The following GGA3 variants were observed in gnomAD, a reference collection of about 807,000 sequenced individuals.
The protein encoded by GGA3 is ADP-ribosylation factor-binding protein GGA3.
A neutral mutation model predicts 77.5 loss-of-function variants in GGA3; 57 were observed. That is an observed-to-expected ratio of 0.74 (90% CI 0.59 to 0.92). The LOEUF (loss-of-function observed/expected upper bound fraction) is 0.92, where lower values mean the gene tolerates loss of function less well. Ranked by LOEUF, GGA3 falls within the 40% of genes least tolerant of loss-of-function variation. The pLI, the probability that GGA3 is intolerant of heterozygous loss-of-function variation, is 0.00. For missense variants in GGA3, 970 were observed against 914.9 expected (o/e 1.06, Z -0.78); for synonymous variants, 416 against 383.7 (o/e 1.08, Z -0.98).
In GGA3 at chr17:75,239,923, C is replaced by G; in HGVS notation, c.1449G>C (p.Leu483Phe). ...SVPAPSAGSSLFSTGVAPALA... is the reference protein window; with the variant it reads ...SVPAPSAGSSFFSTGVAPALA... The stretch of plus-strand genomic sequence containing the variant: ...AGGCTGGGGCCACTCCAGTAGAAAA[C>G]AAGGAGGAGCCCGCACTGGGGGCAG... The change falls in exon 13 of 17, where the codon TTG becomes TTC. Residue 483 changes from leucine to phenylalanine, a missense_variant. By Grantham distance (22) the Leu-to-Phe change is conservative. Coordinates refer to ENST00000537686, the MANE Select transcript of GGA3 (RefSeq NM_138619.4). 1.2e-6 allele frequency: 2 copies of G among 1,607,470 alleles called. No homozygotes were observed. Among genetic ancestry groups the G allele is most frequent in the African/African-American group, 1.3e-5 (1 of 74,806 alleles).
intron 3 of GGA3, 62 bp downstream of exon 3, chr17:75,246,447 C>G: frequency 2.7e-6 from 3 of 1,097,362 alleles, no homozygotes; most frequent in Non-Finnish European, 4.2e-6. Flanking sequence ...TATGGGGACA[C>G]GAGGAATGGC....
chr17:75,252,759 G>A (rs1457314876), intron 1 of GGA3, among the ~76,000 whole-genome samples: 2 of 152,148 alleles, frequency 1.3e-5, no homozygotes, highest in African/African-American at 4.8e-5. Flanking sequence ...ATTGTGATTT[G>A]TTTCTGCCCC....
upstream of GGA3, chr17:75,261,969 C>G (rs1323549660): frequency 1.2e-6 from 2 of 1,604,326 alleles, no homozygotes; most frequent in African/African-American, 2.7e-5. Context: ...GGCGGGCTGT[C>G]TTGCAGCTTC....
chr17:75,239,808 G>T lies in GGA3; in HGVS notation c.1564C>A (p.Leu522Ile), dbSNP rs960288768. ...CATTACACTTTGGCCTCTTCTAGAA[G>T]CTGATCGAGGGCATCCAGGTGGTGC... ...ALHHLDALDQLLEEAKVTSGL... is the reference protein window; with the variant it reads ...ALHHLDALDQILEEAKVTSGL... Residue 522 changes from leucine (L) to isoleucine (I), a missense_variant, in exon 13 of 17, where the codon CTT becomes ATT. Transcript: ENST00000537686. 1 of 1,613,766 alleles carries T rather than the reference G, an allele frequency of 6.2e-7. No homozygotes were observed. The highest frequency in any genetic ancestry group is 8.5e-7 in the Non-Finnish European group (1 of 1,180,028).
In GGA3 at chr17:75,239,531, G is replaced by C. The variant is rs553093029; in HGVS notation, c.1624C>G (p.Pro542Ala). The change falls in exon 14 of 17, where the codon CCC becomes GCC. Residue 542 changes from proline (P) to alanine (A), a missense_variant. Coordinates refer to ENST00000537686, the MANE Select transcript of GGA3 (RefSeq NM_138619.4). ...AGGGGCCTGGCTGGGGTGGTGGTGG[G>C]GATGAGAGGGGAGGTAGTGGGTTTC... ...LVKPTTSPLI[P>A]TTTPARPLLP... The C allele has an allele frequency of 1.1e-5, 17 of 1,561,742 alleles. No homozygotes were observed. The highest frequency in any genetic ancestry group is 9.5e-5 in the East Asian group (4 of 42,238).
intron 1 of GGA3, among the ~76,000 whole-genome samples, chr17:75,249,703 A>C (rs919821669): frequency 6.6e-6 from 1 of 152,224 alleles, no homozygotes; most frequent in African/African-American, 2.4e-5. Context: ...GGGAACAGTC[A>C]TACACCTTGT....
Position 75,239,945 on chromosome 17 carries a change from G to A in GGA3, c.1427C>T (p.Ala476Val), listed in dbSNP as rs201721759. Residue 476 changes from alanine to valine, a missense_variant, in exon 13 of 17, where the codon GCC (alanine) becomes GTC (valine). Ala to Val is a moderately conservative substitution (Grantham distance 64). Coordinates refer to ENST00000537686, the MANE Select transcript of GGA3 (RefSeq NM_138619.4). ...PAPVVPASVP[A>V]PSAGSSLFST... The stretch of plus-strand genomic sequence containing the variant: ...AAACAAGGAGGAGCCCGCACTGGGG[G>A]CAGGAACACTGGCTGGGACCACAGG... 5.2e-5 allele frequency: 83 copies of A among 1,586,808 alleles called. No individual in the cohort carries two copies. In the African/African-American group the frequency reaches 1.1e-3, roughly 20 times the overall value.
Position 75,238,176 on chromosome 17 carries a change from A to G in GGA3, c.*103T>C. 6.6e-7 allele frequency: 1 copy of G among 1,517,716 alleles called. No homozygotes were observed. Among genetic ancestry groups the G allele is most frequent in the South Asian group, 1.3e-5 (1 of 75,906 alleles). 94.0% of individuals were successfully genotyped at this position (1,517,716 alleles called of 1,614,324 possible). Reference sequence around the variant, plus strand: ...AGGGCCCCTGTTCCACATCAAAGCTACAAGCACTGTTGTCAGGGCATGGAG... The same window carrying G: ...AGGGCCCCTGTTCCACATCAAAGCTGCAAGCACTGTTGTCAGGGCATGGAG... On this transcript the variant is annotated 3_prime_UTR_variant, in exon 17 of 17. Coordinates refer to ENST00000537686, the MANE Select transcript of GGA3 (RefSeq NM_138619.4).
intron 1 of GGA3, among the ~76,000 whole-genome samples, chr17:75,259,715 C>T (rs1203441100): frequency 1.3e-5 from 2 of 152,234 alleles, no homozygotes; most frequent in East Asian, 1.9e-4. Flanking sequence ...GTGACAAGGA[C>T]GCTGACTGAG....
intron 1 of GGA3, among the ~76,000 whole-genome samples, chr17:75,256,221 G>T (rs965942611): frequency 2.6e-5 from 4 of 152,016 alleles, no homozygotes; most frequent in Non-Finnish European, 5.9e-5. Context: ...TGCTTGCAGT[G>T]GCTGCCGCTG....
chr17:75,237,856 T>G lies in GGA3; in HGVS notation c.*423A>C, dbSNP rs1366872725. 7.1e-7 allele frequency: 1 copy of G among 1,405,030 alleles called. No individual in the cohort carries two copies. The highest frequency in any genetic ancestry group is 9.2e-7 in the Non-Finnish European group (1 of 1,084,694). 87.0% of individuals were successfully genotyped at this position (1,405,030 alleles called of 1,614,324 possible). A position where few individuals can be genotyped will look rare whatever the true frequency, so the allele number is the denominator to read the frequency against. ...GCTGCAGCCCCTTGGGCCGTGCATC[T>G]GTCAGGTGTGAGGATGTGGCTCTTG... On this transcript the variant is annotated 3_prime_UTR_variant, in exon 17 of 17. Coordinates refer to ENST00000537686, the MANE Select transcript of GGA3 (RefSeq NM_138619.4).
Position 75,238,922 on chromosome 17 carries a change from C to T in GGA3, c.1942G>A (p.Val648Met). The T allele has an allele frequency of 6.2e-7, 1 of 1,613,938 alleles. No individual in the cohort carries two copies. The change falls in exon 15 of 17, where the codon GTG (valine) becomes ATG (methionine). Residue 648 changes from valine to methionine, a missense_variant. By Grantham distance (21) the Val-to-Met change is conservative (BLOSUM62 1). Transcript: ENST00000537686. ...PVKSIVLQAA[V>M]PKSMKVKLQP... is the part of the protein sequence containing the mutation. ...CAGGGAGACACTGGTACCTTGGGCA[C>T]TGCAGCCTGCAGCACGATGCTCTTG...
At chr17:75,254,050 G>T (rs2077060045) in intron 1 of GGA3, among the ~76,000 whole-genome samples, 1 of 152,150 alleles carries the variant, frequency 6.6e-6, no homozygotes, top group South Asian at 2.1e-4. Context: ...GGTCTGAGGT[G>T]CCTCACATCC....
chr17:75,251,706 C>CAAAAAAAAAAAAAAAAAAAAAAAAA (rs35924573), intron 1 of GGA3, among the ~76,000 whole-genome samples: 1 of 68,230 alleles, frequency 1.5e-5, no homozygotes, highest in African/African-American at 5.1e-5. Flanking sequence ...GACTCCTTCT[C>CAAAAAAAAAAAAAAAAAAAAAAAAA]AAAAAAAAAA....
intron 1 of GGA3, among the ~76,000 whole-genome samples, chr17:75,260,624 G>A (rs766708925): frequency 2.6e-5 from 4 of 152,088 alleles, no homozygotes; most frequent in Non-Finnish European, 5.9e-5. Flanking sequence ...CTAAATAAGA[G>A]ACCTCAGAAC....
At chr17:75,248,910 A>G (rs1567796046) in intron 1 of GGA3, 10 of 985,118 alleles carry the variant, frequency 1.0e-5, no homozygotes, top group Non-Finnish European at 1.1e-5. Context: ...GGATCTGAGT[A>G]GCGACAGCTG....
chr17:75,240,331 T>A lies in GGA3; in HGVS notation c.1263+11A>T. 1 of 1,567,456 alleles carries A rather than the reference T, an allele frequency of 6.4e-7. No homozygotes were observed. Among genetic ancestry groups the A allele is most frequent in the Non-Finnish European group, 8.7e-7 (1 of 1,148,418 alleles). On this transcript the variant is annotated intron_variant, in intron 12 of 16. Coordinates refer to ENST00000537686, the MANE Select transcript of GGA3 (RefSeq NM_138619.4). ...GGCACAGTAGTGCTGTCACCGATCC[T>A]GTGCCCCTACCTGGAGCAGGTGCCA... is the stretch of plus-strand genomic sequence containing the variant.
chr17:75,253,411 A>C (rs2077037865), intron 1 of GGA3, among the ~76,000 whole-genome samples: 1 of 152,206 alleles, frequency 6.6e-6, no homozygotes. Context: ...TAATCATTGC[A>C]GGGACACCTC....
chr17:75,240,524 C>CTGTTCTGCAGCA (rs2076510358), intron 11 of GGA3, 112 bp from the exon 12 acceptor site: 1 of 721,580 alleles, frequency 1.4e-6, no homozygotes, highest in African/African-American at 1.8e-5. Context: ...GTGAAGGCGC[C>CTGTTCTGCAGCA]GGGAGAAGCT....
Sources: gnomAD v4.1 joint callset for allele counts (sites outside exome capture counted in the v4.1 genomes callset) on GRCh38, gnomAD v4.1.1 for gene constraint, MANE v1.5 for transcripts, NCBI Gene and HGNC (gene_info 2026-07-23, HGNC 2026-07-21) for gene names.